Variants in DNAH9 observed in about 807,000 individuals in gnomAD.
DNAH9 encodes dynein axonemal heavy chain 9.
A neutral mutation model predicts 471.6 loss-of-function variants in DNAH9; 345 were observed. The observed-to-expected ratio is 0.73, with a 90% CI of 0.67 to 0.80. The LOEUF (loss-of-function observed/expected upper bound fraction) is 0.80, where lower values mean the gene tolerates loss of function less well. Ranked by LOEUF, DNAH9 falls within the 30% of genes least tolerant of loss-of-function variation. DNAH9 has a pLI of 0.00. For missense variants in DNAH9, 5,407 were observed against 5,609.2 expected, an observed-to-expected ratio of 0.96 and a Z score of 1.15; for synonymous variants, 2,093 against 2,123.6, an observed-to-expected ratio of 0.99 and a Z score of 0.40.
At chr17:11,633,667 A>C (rs891412302) in intron 8 of DNAH9, among the ~76,000 whole-genome samples, 1 of 152,214 alleles carries the variant, frequency 6.6e-6, no homozygotes, top group African/African-American at 2.4e-5. Flanking sequence ...AAGGGCTTGC[A>C]TGTGTCTACA....
At chr17:11,854,898 G>A (rs866906377) in intron 50 of DNAH9, among the ~76,000 whole-genome samples, 1 of 152,108 alleles carries the variant, frequency 6.6e-6, no homozygotes, top group Middle Eastern at 3.2e-3. Context: ...GTGGCCCCTA[G>A]TCCATAAATA....
chr17:11,638,648 G>A (rs1047781796), intron 9 of DNAH9, among the ~76,000 whole-genome samples: 3 of 152,126 alleles, frequency 2.0e-5, no homozygotes, highest in Non-Finnish European at 2.9e-5. Flanking sequence ...GCCTCCCAAA[G>A]TGCTGGGATT....
intron 14 of DNAH9, among the ~76,000 whole-genome samples, chr17:11,660,103 ATTAAT>A (rs1172895909): frequency 6.6e-6 from 1 of 151,820 alleles, no homozygotes; most frequent in Non-Finnish European, 1.5e-5. Flanking sequence ...TTTCTAGTTT[ATTAAT>A]TTATGTTTTT....
Position 11,881,195 on chromosome 17 carries a change from C to T in DNAH9, c.10602-14C>T, listed in dbSNP as rs1187554343. The T allele has an allele frequency of 6.2e-7, 1 of 1,614,040 alleles. No homozygotes were observed. The highest frequency in any genetic ancestry group is 1.1e-5 in the South Asian group (1 of 91,044). On this transcript the variant is annotated splice_polypyrimidine_tract_variant and intron_variant, in intron 54 of 68. Transcript: ENST00000262442. Reference sequence around the variant, plus strand: ...GGAAGGCACCTTACCTTCACATGAGCCTTTATGTTCCAGATTCATTAAAAT... The same window carrying T: ...GGAAGGCACCTTACCTTCACATGAGTCTTTATGTTCCAGATTCATTAAAAT...
intron 15 of DNAH9, among the ~76,000 whole-genome samples, chr17:11,665,900 C>T (rs149181176): frequency 2.6e-5 from 4 of 152,302 alleles, no homozygotes; most frequent in African/African-American, 7.2e-5. Flanking sequence ...CAGACACCTA[C>T]GTTGAGAATC....
rs1974734431 is a variant in DNAH9 at position 11,937,043 on chromosome 17, A to C, written c.12490-309A>C. Among the ~76,000 whole-genome samples, 1 of 152,180 alleles carries C rather than the reference A, an allele frequency of 6.6e-6. No individual in the cohort carries two copies. Among genetic ancestry groups the C allele is most frequent in the South Asian group, 2.1e-4 (1 of 4,826 alleles). On this transcript the variant is annotated intron_variant, in intron 65 of 68. Transcript: ENST00000262442. This position sits in a 1 kb window ranked among gnomAD's most constrained non-coding sequence, Gnocchi z 4.1. Reference sequence around the variant, plus strand: ...GAGAAGTCCTCCTCTGGTCTGCAGGAAAAAGAGTCATCAGGGAGGAGTGGG... The same window carrying C: ...GAGAAGTCCTCCTCTGGTCTGCAGGCAAAAGAGTCATCAGGGAGGAGTGGG...
At chr17:11,699,978 C>A in intron 23 of DNAH9, 95 bp downstream of exon 23, 3 of 1,327,230 alleles carry the variant, frequency 2.3e-6, no homozygotes, top group Non-Finnish European at 3.2e-6. Context: ...GCCTTTCTGA[C>A]CTTGGTCCAG....
intron 26 of DNAH9, among the ~76,000 whole-genome samples, chr17:11,716,687 A>G (rs554005546): frequency 2.0e-5 from 3 of 152,310 alleles, no homozygotes; most frequent in African/African-American, 7.2e-5. Context: ...TTTTTGTGAA[A>G]CCTGGCATTT....
At chr17:11,934,434 CA>C (rs144208060) in intron 65 of DNAH9, among the ~76,000 whole-genome samples, 2 of 103,086 alleles carry the variant, frequency 1.9e-5, no homozygotes, top group African/African-American at 6.5e-5. Flanking sequence ...TTGACAAACC[CA>C]TTTTTTTTTT....
chr17:11,937,205 A>ATCT lies in DNAH9; in HGVS notation c.12490-147_12490-146insTCT. ...TGTCAAGGTGCACTAATAGGTGGAG[A>ATCT]GGGTGATGAAGTCAACCAGGGATGG... On this transcript the variant is annotated intron_variant, in intron 65 of 68. Transcript: ENST00000262442. The surrounding 1 kb of genome is among the most constrained non-coding windows in gnomAD (Gnocchi z 4.1). 1 of 914,564 alleles carries ATCT rather than the reference A, an allele frequency of 1.1e-6. No individual in the cohort carries two copies. Among genetic ancestry groups the ATCT allele is most frequent in the Non-Finnish European group, 1.6e-6 (1 of 626,306 alleles). 56.7% of individuals were successfully genotyped at this position (914,564 alleles called of 1,614,324 possible). A position where few individuals can be genotyped will look rare whatever the true frequency, so the allele number is the denominator to read the frequency against.
At chr17:11,931,882 C>T (rs1022777542) in intron 63 of DNAH9, 132 bp from the exon 64 acceptor site, 18 of 984,134 alleles carry the variant, frequency 1.8e-5, no homozygotes, top group Admixed American at 8.3e-5. Flanking sequence ...GCTGTAGTCT[C>T]GCTGTAACTC....
intron 35 of DNAH9, among the ~76,000 whole-genome samples, chr17:11,758,980 A>T (rs572906079): frequency 3.6e-4 from 55 of 152,306 alleles, no homozygotes; most frequent in African/African-American, 1.2e-3. Flanking sequence ...TAGCTAAAAA[A>T]GTCTGGAAGT....
intron 43 of DNAH9, among the ~76,000 whole-genome samples, 196 bp downstream of exon 43, chr17:11,797,989 C>T (rs1969309144): frequency 6.6e-6 from 1 of 152,142 alleles, no homozygotes; most frequent in South Asian, 2.1e-4. Context: ...GTGCGGAGCT[C>T]AGGCAGGAAT....
chr17:11,763,814 C>T (rs556989185), intron 36 of DNAH9, among the ~76,000 whole-genome samples, 200 bp downstream of exon 36: 10 of 152,274 alleles, frequency 6.6e-5, no homozygotes, highest in South Asian at 4.1e-4. Flanking sequence ...TACATGAGGT[C>T]GTGGTGTGTT....
intron 7 of DNAH9, among the ~76,000 whole-genome samples, chr17:11,631,098 T>A (rs1228693193): frequency 6.6e-6 from 1 of 151,504 alleles, no homozygotes; most frequent in Non-Finnish European, 1.5e-5. Flanking sequence ...ACACATAGGA[T>A]AAGGAAAGGA....
At chr17:11,611,866 C>T in intron 4 of DNAH9, 86 bp downstream of exon 4, 1 of 1,356,828 alleles carries the variant, frequency 7.4e-7, no homozygotes, top group Non-Finnish European at 1.1e-6. Context: ...CTGAATTCCG[C>T]AACTTCAAGT....
intron 4 of DNAH9, among the ~76,000 whole-genome samples, chr17:11,615,524 G>A (rs1032978751): frequency 2.6e-5 from 4 of 151,866 alleles, no homozygotes; most frequent in African/African-American, 9.7e-5. Flanking sequence ...GGCAGAGGTT[G>A]CAGTGAGCCA....
intron 26 of DNAH9, among the ~76,000 whole-genome samples, chr17:11,718,233 G>A (rs2074999516): frequency 6.6e-6 from 1 of 152,192 alleles, no homozygotes; most frequent in Non-Finnish European, 1.5e-5. Context: ...TGTTTTTGAG[G>A]TTCGTCCATC....
intron 48 of DNAH9, among the ~76,000 whole-genome samples, chr17:11,824,773 G>A (rs1970428224): frequency 6.6e-6 from 1 of 151,412 alleles, no homozygotes. Context: ...CTGTTTTTCT[G>A]CTACAGTTTC....
Sources: allele counts gnomAD v4.1 joint callset (sites outside exome capture counted in the v4.1 genomes callset), GRCh38; gene constraint gnomAD v4.1.1; non-coding constraint Gnocchi (gnomAD v3.1); transcripts MANE v1.5; gene names NCBI Gene and HGNC (gene_info 2026-07-23, HGNC 2026-07-21).